The following ITGA8 variants were observed in gnomAD, a reference collection of about 807,000 sequenced individuals.
ITGA8 encodes the protein integrin subunit alpha 8.
ITGA8 carries 91 observed loss-of-function variants against 142.3 expected under a neutral mutation model. That is an observed-to-expected ratio of 0.64 (90% CI 0.54 to 0.76). The LOEUF is 0.76. ITGA8 is among the 30% of genes least tolerant of loss of function. The pLI is 0.00. For missense variants in ITGA8, 1,406 were observed against 1,327.7 expected (o/e 1.06, Z -0.92); for synonymous variants, 505 against 485.2 (o/e 1.04, Z -0.54).
intron 4 of ITGA8, among the ~76,000 whole-genome samples, chr10:15,679,438 T>C (rs1196206285): frequency 2.6e-5 from 4 of 151,960 alleles, no homozygotes; most frequent in African/African-American, 9.7e-5. Context: ...AAAAATTAGC[T>C]GGGCATGGTG....
intron 13 of ITGA8, among the ~76,000 whole-genome samples, chr10:15,624,321 C>G (rs973789878): frequency 2.2e-4 from 34 of 152,316 alleles, no homozygotes; most frequent in African/African-American, 7.7e-4. Flanking sequence ...TTCTAAATGA[C>G]ATTGAACAAG....
intron 28 of ITGA8, among the ~76,000 whole-genome samples, chr10:15,528,928 CATCT>C (rs921756465): frequency 3.9e-5 from 6 of 152,124 alleles, no homozygotes; most frequent in South Asian, 2.1e-4. Flanking sequence ...TAACTGTGCA[CATCT>C]ATCTTTCTTC....
In ITGA8 at chr10:15,684,596, C is replaced by T. The variant is rs1045358505; in HGVS notation, c.445-469G>A. Among the ~76,000 whole-genome samples, 5 of 152,072 alleles carry T rather than the reference C, an allele frequency of 3.3e-5. No individual in the cohort carries two copies. In the South Asian group the frequency reaches 8.3e-4, roughly 25 times the overall value. Reference sequence around the variant, plus strand: ...TTATGTTGCTCCAACTGGTCTCAATCTCCTGGGCTTAAGTGATCCTCTTGT... The same window carrying T: ...TTATGTTGCTCCAACTGGTCTCAATTTCCTGGGCTTAAGTGATCCTCTTGT... On this transcript the variant is annotated intron_variant, in intron 3 of 29. Transcript: ENST00000378076.
intron 3 of ITGA8, among the ~76,000 whole-genome samples, chr10:15,686,767 T>C (rs1834839144): frequency 6.6e-6 from 1 of 152,216 alleles, no homozygotes; most frequent in African/African-American, 2.4e-5. Flanking sequence ...CCATCACGTA[T>C]TTTAGAAAAT....
chr10:15,538,095 C>T (rs1451817969), intron 27 of ITGA8, among the ~76,000 whole-genome samples: 5 of 152,146 alleles, frequency 3.3e-5, no homozygotes, highest in African/African-American at 1.2e-4. Flanking sequence ...TGCACCACTG[C>T]ACTTCAACAG....
intron 8 of ITGA8, among the ~76,000 whole-genome samples, 166 bp from the exon 9 acceptor site, chr10:15,661,088 C>T (rs1013650644): frequency 6.6e-6 from 1 of 152,168 alleles, no homozygotes; most frequent in African/African-American, 2.4e-5. Flanking sequence ...CTGTCTGTGG[C>T]CTGTTGGGAG....
intron 3 of ITGA8, 41 bp from the exon 4 acceptor site, chr10:15,684,168 G>A (rs925961608): frequency 6.3e-7 from 1 of 1,587,884 alleles, no homozygotes; most frequent in Non-Finnish European, 8.6e-7. Flanking sequence ...TTTTGATGTA[G>A]GTTTCTCATA....
chr10:15,517,328 A>ATTT (rs373105081), intron 29 of ITGA8, 84 bp from the exon 30 acceptor site: 2 of 720,662 alleles, frequency 2.8e-6, no homozygotes, highest in South Asian at 1.9e-5. Context: ...CACTTTATGT[A>ATTT]TTTTTTTTTT....
At chr10:15,717,509 C>T (rs1215969478) in intron 2 of ITGA8, among the ~76,000 whole-genome samples, 1 of 152,098 alleles carries the variant, frequency 6.6e-6, no homozygotes, top group African/African-American at 2.4e-5. Flanking sequence ...CACAAATTAA[C>T]ATCAAAAGGT....
At chr10:15,557,309 A>G (rs1833904095) in intron 26 of ITGA8, among the ~76,000 whole-genome samples, 1 of 152,106 alleles carries the variant, frequency 6.6e-6, no homozygotes, top group African/African-American at 2.4e-5. Flanking sequence ...GAACCCGAGA[A>G]GCAGAGGTTG....
chr10:15,637,805 AG>A lies in ITGA8; in HGVS notation c.1399+6224del, dbSNP rs1203829665. Reference sequence around the variant, plus strand: ...ACCGTGCCCATCGGCTAACTTTAAAAGTTTTTTTTTTTTTAAATTGGCTTGA... The same window carrying A: ...ACCGTGCCCATCGGCTAACTTTAAAATTTTTTTTTTTTTAAATTGGCTTGA... On this transcript the variant is annotated intron_variant, in intron 13 of 29. Transcript: ENST00000378076. 6.6e-3 allele frequency among the ~76,000 whole-genome samples: 193 copies of A among 29,128 alleles called. 3 individuals carry two copies. The East Asian group carries it at 0.14, about 21-fold the overall frequency. 19.1% of individuals were successfully genotyped at this position (29,128 alleles called of 152,430 possible).
At chr10:15,564,466 G>A (rs978678549) in intron 25 of ITGA8, among the ~76,000 whole-genome samples, 7 of 152,192 alleles carry the variant, frequency 4.6e-5, no homozygotes, top group Non-Finnish European at 8.8e-5. Flanking sequence ...GAAGCTGGTG[G>A]TCACCACTAA....
In ITGA8 at chr10:15,678,736, G is replaced by C; in HGVS notation, c.616C>G (p.Leu206Val). ...AAATAATTCACCTTATAAAAATCCA[G>C]ACTAAATCCTGCTTGGCAGTAACCC... ...GQGYCQAGFS[L>V]DFYKNGDLIV... Residue 206 changes from leucine (L) to valine (V), a missense_variant, in exon 5 of 30, where the codon CTG becomes GTG. Physicochemically the swap from Leu to Val is conservative, Grantham distance 32. Coordinates refer to ENST00000378076, the MANE Select transcript of ITGA8 (RefSeq NM_003638.3). 4 of 1,609,920 alleles carry C rather than the reference G, an allele frequency of 2.5e-6. No homozygotes were observed. The highest frequency in any genetic ancestry group is 1.3e-5 in the African/African-American group (1 of 74,908).
intron 23 of ITGA8, among the ~76,000 whole-genome samples, chr10:15,583,071 A>G (rs1210357668): frequency 6.6e-6 from 1 of 152,234 alleles, no homozygotes; most frequent in East Asian, 1.9e-4. Context: ...AATACTTCTC[A>G]GCAGTAAAAA....
At chr10:15,528,104 T>G (rs1364075261) in intron 28 of ITGA8, among the ~76,000 whole-genome samples, 1 of 151,742 alleles carries the variant, frequency 6.6e-6, no homozygotes, top group African/African-American at 2.4e-5. Flanking sequence ...TTGTTGTTGT[T>G]GTTTGTTTGT....
intron 8 of ITGA8, among the ~76,000 whole-genome samples, chr10:15,664,148 T>A (rs1038702901): frequency 1.3e-5 from 2 of 152,262 alleles, no homozygotes; most frequent in African/African-American, 2.4e-5. Context: ...TCATCCTTAT[T>A]TTAGGAATGA....
chr10:15,640,445 A>C (rs1004274193), intron 13 of ITGA8, among the ~76,000 whole-genome samples: 4 of 152,248 alleles, frequency 2.6e-5, no homozygotes, highest in Non-Finnish European at 4.4e-5. Context: ...GCAGGACCCC[A>C]GAGTGAAAGA....
rs1448038420 is a variant in ITGA8 at position 15,516,928 on chromosome 10, A to G, written c.*230T>C. 2.4e-6 allele frequency: 1 copy of G among 413,340 alleles called. No homozygotes were observed. The highest frequency in any genetic ancestry group is 4.7e-5 in the East Asian group (1 of 21,282). The allele number at this position is 413,340 out of a possible 1,614,324, so 25.6% of individuals were successfully genotyped here. On this transcript the variant is annotated 3_prime_UTR_variant, in exon 30 of 30. Coordinates refer to ENST00000378076, the MANE Select transcript of ITGA8 (RefSeq NM_003638.3). ...TTAAAGCAAAAGAAAATCTTCCACA[A>G]TTGCTGATGGCTTCTCCAGCTTTGG...
At chr10:15,672,004 T>G (rs1588713697) in intron 7 of ITGA8, among the ~76,000 whole-genome samples, 1 of 151,978 alleles carries the variant, frequency 6.6e-6, no homozygotes, top group South Asian at 2.1e-4. Context: ...TTGAAAATAA[T>G]GAGACAGAAT....
Sources: gnomAD v4.1 joint callset for allele counts (sites outside exome capture counted in the v4.1 genomes callset) on GRCh38, gnomAD v4.1.1 for gene constraint, MANE v1.5 for transcripts, NCBI Gene and HGNC (gene_info 2026-07-23, HGNC 2026-07-21) for gene names.